ZNF385D: variants seen among roughly 807,000 people sequenced by gnomAD.
ZNF385D encodes zinc finger protein 659.
A neutral mutation model predicts 35.8 loss-of-function variants in ZNF385D; 15 were observed. The ratio of observed to expected loss-of-function variants is 0.42; its 90% CI spans 0.28 to 0.64. The LOEUF (loss-of-function observed/expected upper bound fraction) is 0.64. ZNF385D is among the 30% of genes least tolerant of loss of function. The pLI is 0.23. For synonymous variants in ZNF385D, 212 were observed against 186.8 expected (o/e 1.13, Z -1.10); for missense variants, 474 against 494.6 (o/e 0.96, Z 0.39).
intron 3 of ZNF385D, among the ~76,000 whole-genome samples, chr3:22,023,085 GTCTTT>G (rs1249387490): frequency 6.6e-6 from 1 of 152,160 alleles, no homozygotes; most frequent in African/African-American, 2.4e-5. Flanking sequence ...CCTCCCTGAG[GTCTTT>G]TCTTATTTTT....
intron 1 of ZNF385D, among the ~76,000 whole-genome samples, chr3:21,667,643 T>C (rs550096416): frequency 2.4e-4 from 36 of 152,326 alleles, no homozygotes; most frequent in Non-Finnish European, 4.4e-4. Flanking sequence ...GAAAATACCA[T>C]GCTTATAATT....
At chr3:21,492,747 G>C (rs964556542) in intron 4 of ZNF385D, among the ~76,000 whole-genome samples, 4 of 150,126 alleles carry the variant, frequency 2.7e-5, no homozygotes, top group African/African-American at 9.9e-5. Context: ...TCGTGCCACT[G>C]CACTCCAGCC....
intron 3 of ZNF385D, among the ~76,000 whole-genome samples, chr3:21,799,987 G>A (rs191861661): frequency 2.3e-4 from 35 of 152,248 alleles, no homozygotes; most frequent in Admixed American, 1.9e-3. Context: ...AGTTGTCTCA[G>A]AAATATTGGT....
intron 1 of ZNF385D, 120 bp downstream of exon 1, chr3:21,750,775 C>G (rs1022252789): frequency 1.1e-5 from 14 of 1,249,698 alleles, no homozygotes; most frequent in Non-Finnish European, 1.5e-5. Context: ...CCTCCAGTTG[C>G]CAACTGGAGG....
intron 3 of ZNF385D, among the ~76,000 whole-genome samples, chr3:21,946,869 C>T (rs972840912): frequency 7.2e-5 from 11 of 152,224 alleles, no homozygotes; most frequent in African/African-American, 2.6e-4. Context: ...AAATTACTTT[C>T]TCATTTTGAA....
rs551632567 is a variant in ZNF385D, at chr3:22,079,330, A to G, written c.325+89487T>C. On this transcript the variant is annotated intron_variant, in intron 3 of 5. Transcript: ENST00000494108. ...AAAGTACAAGGTGTTACTGAAAAAT[A>G]TAATTTAAGAATCCAATAAATAAAT... Among the ~76,000 whole-genome samples the G allele has an allele frequency of 3.3e-5, 5 of 152,180 alleles. No homozygotes were observed. In the East Asian group the frequency reaches 7.7e-4, roughly 23 times the overall value.
chr3:22,020,891 G>T (rs1037122110), intron 3 of ZNF385D, among the ~76,000 whole-genome samples: 1 of 151,812 alleles, frequency 6.6e-6, no homozygotes, highest in Non-Finnish European at 1.5e-5. Context: ...CCATGAACAG[G>T]TCATTAGATA....
chr3:21,772,058 A>T (rs1353770745), intron 3 of ZNF385D, among the ~76,000 whole-genome samples: 14 of 151,948 alleles, frequency 9.2e-5, no homozygotes, highest in Admixed American at 9.2e-4. Context: ...TGTTATCTAA[A>T]ACCATGTAAA....
chr3:22,044,078 G>C (rs1185969312), intron 3 of ZNF385D, among the ~76,000 whole-genome samples: 1 of 136,958 alleles, frequency 7.3e-6, no homozygotes, highest in Admixed American at 8.0e-5. Flanking sequence ...GATGAAACAC[G>C]AAACCTGGGA....
chr3:22,038,433 C>A (rs976310641), intron 3 of ZNF385D, among the ~76,000 whole-genome samples: 1 of 152,072 alleles, frequency 6.6e-6, no homozygotes, highest in Admixed American at 6.6e-5. Context: ...ACCTGTTTCA[C>A]AGAGTTGGGG....
chr3:21,842,802 C>G (rs1370738157), intron 3 of ZNF385D, among the ~76,000 whole-genome samples: 1 of 151,994 alleles, frequency 6.6e-6, no homozygotes, highest in Non-Finnish European at 1.5e-5. Flanking sequence ...AGCAGTTAAG[C>G]TAATGCAGAA....
At chr3:21,816,415 G>C (rs991351352) in intron 3 of ZNF385D, among the ~76,000 whole-genome samples, 1 of 152,140 alleles carries the variant, frequency 6.6e-6, no homozygotes, top group African/African-American at 2.4e-5. Flanking sequence ...TGACATGATT[G>C]TATATCTAGA....
intron 3 of ZNF385D, among the ~76,000 whole-genome samples, chr3:21,999,994 A>G (rs1234072716): frequency 1.3e-5 from 2 of 152,120 alleles, no homozygotes; most frequent in Non-Finnish European, 2.9e-5. Flanking sequence ...AAAATCCCCA[A>G]ATAGATTCAA....
chr3:22,123,954 C>T (rs2336674), intron 3 of ZNF385D, among the ~76,000 whole-genome samples: 13 of 93,752 alleles, frequency 1.4e-4, no homozygotes, highest in African/African-American at 4.4e-4. Flanking sequence ...CTCTCTCTCT[C>T]TCTCTCTCTA....
chr3:22,101,155 A>G (rs1464637009), intron 3 of ZNF385D, among the ~76,000 whole-genome samples: 3 of 152,090 alleles, frequency 2.0e-5, no homozygotes, highest in South Asian at 2.1e-4. Context: ...ACAAAAATAA[A>G]TAAGTTACTG....
chr3:21,583,707 A>G (rs2125711324), intron 2 of ZNF385D, among the ~76,000 whole-genome samples: 1 of 151,780 alleles, frequency 6.6e-6, no homozygotes, highest in South Asian at 2.1e-4. Flanking sequence ...ATTCATTTAA[A>G]TATTGTATTG....
At chr3:21,519,701 T>G (rs1193646734) in intron 3 of ZNF385D, among the ~76,000 whole-genome samples, 1 of 152,124 alleles carries the variant, frequency 6.6e-6, no homozygotes, top group Non-Finnish European at 1.5e-5. Flanking sequence ...CTAAATGACT[T>G]TTAACTCTAG....
chr3:22,207,068 A>G (rs1219488328), intron 2 of ZNF385D, among the ~76,000 whole-genome samples: 2 of 151,964 alleles, frequency 1.3e-5, no homozygotes, highest in Non-Finnish European at 2.9e-5. Flanking sequence ...GAGATGAAAA[A>G]GACATTACAA....
intron 3 of ZNF385D, among the ~76,000 whole-genome samples, chr3:22,037,281 C>G (rs578145308): frequency 7.4e-6 from 1 of 135,224 alleles, no homozygotes; most frequent in Non-Finnish European, 1.7e-5. Flanking sequence ...CCTGAGGAAT[C>G]ACCACACTGT....
Sources: allele counts gnomAD v4.1 joint callset (sites outside exome capture counted in the v4.1 genomes callset), GRCh38; gene constraint gnomAD v4.1.1; transcripts MANE v1.5; gene names NCBI Gene and HGNC (gene_info 2026-07-23, HGNC 2026-07-21).